Variants in SHC3 observed in about 807,000 individuals in gnomAD.
SHC3 encodes the protein SHC adaptor protein 3.
Under a neutral mutation model 60.4 loss-of-function variants are expected in SHC3, and 15 were observed. That is an observed-to-expected ratio of 0.25 (90% CI 0.17 to 0.38). The LOEUF is 0.38. SHC3 is among the 10% of genes least tolerant of loss of function. The probability of loss-of-function intolerance (pLI) is 1.00; values close to 1 mark genes in which losing one functional copy is unlikely to be tolerated. For synonymous variants in SHC3, 294 were observed against 325.9 expected (o/e 0.90, Z 1.05); for missense variants, 677 against 786.1 (o/e 0.86, Z 1.66).
At chr9:89,098,418 TGAGTATGTAG>T (rs1466946208) in intron 2 of SHC3, among the ~76,000 whole-genome samples, 3 of 152,222 alleles carry the variant, frequency 2.0e-5, no homozygotes, top group Non-Finnish European at 4.4e-5. Context: ...CATTGTGCTG[TGAGTATGTAG>T]GAAAATAACA....
At chr9:89,110,041 C>T (rs1382500812) in intron 2 of SHC3, 1 of 985,412 alleles carries the variant, frequency 1.0e-6, no homozygotes, top group African/African-American at 1.7e-5. Context: ...TGATAAATTT[C>T]TCCTCAGAAC....
chr9:89,098,133 A>G (rs1825732008), intron 2 of SHC3, among the ~76,000 whole-genome samples: 1 of 152,234 alleles, frequency 6.6e-6, no homozygotes, highest in African/African-American at 2.4e-5. Flanking sequence ...AGCAATAGGC[A>G]AATTAAAATT....
At chr9:89,020,027 A>G (rs1826172232) in intron 11 of SHC3, among the ~76,000 whole-genome samples, 1 of 152,144 alleles carries the variant, frequency 6.6e-6, no homozygotes, top group African/African-American at 2.4e-5. Context: ...ATAGTAAGGA[A>G]TTACTTCTTT....
chr9:89,157,915 C>T (rs1250790437), intron 1 of SHC3, among the ~76,000 whole-genome samples: 1 of 152,084 alleles, frequency 6.6e-6, no homozygotes, highest in Non-Finnish European at 1.5e-5. Flanking sequence ...TGTGAGCCAC[C>T]ATGCCCAGGC....
intron 7 of SHC3, among the ~76,000 whole-genome samples, chr9:89,050,812 T>G (rs1824849866): frequency 6.6e-6 from 1 of 152,132 alleles, no homozygotes; most frequent in South Asian, 2.1e-4. Flanking sequence ...GTTTCCTCAG[T>G]CTCCTACCTA....
intron 1 of SHC3, among the ~76,000 whole-genome samples, chr9:89,129,950 G>T (rs1669693929): frequency 6.6e-6 from 1 of 152,148 alleles, no homozygotes; most frequent in Admixed American, 6.5e-5. Context: ...CCAATTAAAA[G>T]ACACAGACTG....
chr9:89,077,714 T>C (rs1288838520), intron 3 of SHC3, 126 bp downstream of exon 3: 22 of 1,144,346 alleles, frequency 1.9e-5, no homozygotes. Context: ...TTTCTGCTTT[T>C]AGAAGTAGCA....
intron 1 of SHC3, among the ~76,000 whole-genome samples, chr9:89,157,774 G>T (rs553325686): frequency 6.6e-6 from 1 of 151,950 alleles, no homozygotes; most frequent in South Asian, 2.1e-4. Context: ...CTGCCACCAC[G>T]CCAGGCTAAT....
Position 89,006,095 on chromosome 9 carries a change from C to G in SHC3, c.*7352G>C, listed in dbSNP as rs969703775. 6.6e-6 allele frequency: 1 copy of G among 152,222 alleles called. No individual in the cohort carries two copies. The highest frequency in any genetic ancestry group is 1.5e-5 in the Non-Finnish European group (1 of 68,046). 9.4% of individuals were successfully genotyped at this position (152,222 alleles called of 1,614,324 possible). A position where few individuals can be genotyped will look rare whatever the true frequency, so the allele number is the denominator to read the frequency against. On this transcript the variant is annotated 3_prime_UTR_variant, in exon 12 of 12. Coordinates refer to ENST00000375835, the MANE Select transcript of SHC3 (RefSeq NM_016848.6). ...TAATAAAGGCACATTTTCCAATAAC[C>G]AATTATAACAAGAAGTGCAGCATTA...
At chr9:89,164,578 G>A (rs1358474102) in intron 1 of SHC3, among the ~76,000 whole-genome samples, 1 of 152,022 alleles carries the variant, frequency 6.6e-6, no homozygotes, top group East Asian at 1.9e-4. Context: ...ATTGAATTCT[G>A]TAAGCAAGGC....
chr9:89,143,925 C>T (rs1162336097), intron 1 of SHC3, among the ~76,000 whole-genome samples: 1 of 152,174 alleles, frequency 6.6e-6, no homozygotes, highest in African/African-American at 2.4e-5. Context: ...TATGTCTGGA[C>T]TCCATCAAAG....
chr9:89,027,326 G>GTTTTTTTTTT (rs1554689479), intron 11 of SHC3, among the ~76,000 whole-genome samples: 4 of 89,152 alleles, frequency 4.5e-5, no homozygotes, highest in African/African-American at 1.2e-4. Flanking sequence ...GTGAAATTCT[G>GTTTTTTTTTT]ATTTTTTTTT....
chr9:89,120,311 ATAAAT>A (rs1168491736), intron 1 of SHC3, among the ~76,000 whole-genome samples: 1 of 152,220 alleles, frequency 6.6e-6, no homozygotes, highest in African/African-American at 2.4e-5. Context: ...GAAAAATGTA[ATAAAT>A]TAAACAAAAC....
intron 2 of SHC3, among the ~76,000 whole-genome samples, chr9:89,089,172 T>C (rs759776166): frequency 6.6e-6 from 1 of 152,232 alleles, no homozygotes; most frequent in Non-Finnish European, 1.5e-5. Flanking sequence ...CACCAGAAGC[T>C]GGCTGTCCCA....
At chr9:89,148,778 GAA>G (rs1205214419) in intron 1 of SHC3, among the ~76,000 whole-genome samples, 1 of 152,150 alleles carries the variant, frequency 6.6e-6, no homozygotes, top group Non-Finnish European at 1.5e-5. Context: ...CATAGAAGAA[GAA>G]AAAGTCACTG....
rs911675896 is a variant in SHC3 at position 89,143,197 on chromosome 9, G to A, written c.475-30571C>T. Among the ~76,000 whole-genome samples the A allele has an allele frequency of 1.2e-4, 18 of 152,106 alleles. 1 individual carries two copies. The highest frequency in any genetic ancestry group is 4.4e-5 in the Non-Finnish European group (3 of 68,008). On this transcript the variant is annotated intron_variant, in intron 1 of 11. Coordinates refer to ENST00000375835, the MANE Select transcript of SHC3 (RefSeq NM_016848.6). ...CTTGATGATATGCTAAACAAGGGGT[G>A]GATTATTAATGCCTCCCCTGTTTAG...
intron 1 of SHC3, among the ~76,000 whole-genome samples, chr9:89,132,817 C>G (rs1826266751): frequency 6.6e-6 from 1 of 152,152 alleles, no homozygotes; most frequent in Non-Finnish European, 1.5e-5. Flanking sequence ...TAGAAGAAAA[C>G]CTAAGCAATA....
At chr9:89,094,940 A>C (rs527738388) in intron 2 of SHC3, among the ~76,000 whole-genome samples, 51 of 151,094 alleles carry the variant, frequency 3.4e-4, no homozygotes, top group Admixed American at 2.0e-3. Context: ...ACAACAACAA[A>C]AAAAACCAAC....
In SHC3 at chr9:89,108,168, G is replaced by A. The variant is rs563719007; in HGVS notation, c.545+4388C>T. On this transcript the variant is annotated intron_variant, in intron 2 of 11. Transcript: ENST00000375835. ...GTAGGTGAGAGCATCTAGCCTAAGT[G>A]CACTCTACGATGTTCACACAATGAC... Among the ~76,000 whole-genome samples, 49 of 152,246 alleles carry A rather than the reference G, an allele frequency of 3.2e-4. No individual in the cohort carries two copies. The South Asian group carries it at 9.6e-3, about 30-fold the overall frequency.
Sources: allele counts gnomAD v4.1 joint callset (sites outside exome capture counted in the v4.1 genomes callset), GRCh38; gene constraint gnomAD v4.1.1; transcripts MANE v1.5; gene names NCBI Gene and HGNC (gene_info 2026-07-23, HGNC 2026-07-21).